The following AGBL1 variants were observed in gnomAD, a reference collection of about 807,000 sequenced individuals.
The protein encoded by AGBL1 is cytosolic carboxypeptidase 4.
In AGBL1, 130 loss-of-function variants were observed where a neutral mutation model predicts 118.9. The observed-to-expected ratio is 1.09, with a 90% CI of 0.95 to 1.26. AGBL1 has a LOEUF of 1.26. AGBL1 is among the 50% of genes most tolerant of loss of function. The pLI is 0.00. For synonymous variants in AGBL1, 555 were observed against 478.9 expected (o/e 1.16, Z -2.08); for missense variants, 1,584 against 1,298.1 (o/e 1.22, Z -3.38).
intron 1 of AGBL1, among the ~76,000 whole-genome samples, chr15:86,098,401 A>G (rs932110651): frequency 1.3e-5 from 2 of 152,052 alleles, no homozygotes; most frequent in Admixed American, 6.6e-5. Flanking sequence ...CCAATGTCCT[A>G]AAGTGTCTCC....
At chr15:86,350,575 T>C (rs2141899778) in intron 17 of AGBL1, among the ~76,000 whole-genome samples, 1 of 152,328 alleles carries the variant, frequency 6.6e-6, no homozygotes, top group South Asian at 2.1e-4. Context: ...GTTATACATG[T>C]GCTTGGTCTC....
intron 22 of AGBL1, among the ~76,000 whole-genome samples, chr15:86,900,572 A>T (rs753097721): frequency 2.0e-5 from 3 of 152,110 alleles, no homozygotes; most frequent in Admixed American, 6.6e-5. Flanking sequence ...ACTTCAGTGT[A>T]ATTGATTTTT....
intron 22 of AGBL1, among the ~76,000 whole-genome samples, chr15:86,753,535 T>C (rs1165271707): frequency 1.3e-5 from 2 of 151,638 alleles, no homozygotes; most frequent in Non-Finnish European, 2.9e-5. Context: ...GTTGCTAGGA[T>C]TACAGACACC....
At chr15:86,869,599 T>C (rs1322989183) in intron 22 of AGBL1, among the ~76,000 whole-genome samples, 1 of 152,182 alleles carries the variant, frequency 6.6e-6, no homozygotes, top group African/African-American at 2.4e-5. Context: ...GATATGTGGA[T>C]AAAGCCTAGA....
Position 86,295,338 on chromosome 15 carries a change from G to C in AGBL1, c.2304G>C (p.Gly768=). The C allele has an allele frequency of 6.2e-7, 1 of 1,613,268 alleles. No individual in the cohort carries two copies. Residue 768 remains glycine, a synonymous_variant, in exon 17 of 23, where the codon GGG becomes GGC. Coordinates refer to ENST00000614907, the MANE Select transcript of AGBL1 (RefSeq NM_001386094.1). ...ATGTTCTCTGCCAGACGCTGGGAGG[G>C]AATCCGTGTCCCTTGGTGACCATCA... ...RQDVLCQTLG[G]NPCPLVTITA... is the part of the protein sequence containing the mutation.
At chr15:86,665,627 T>C (rs2085631300) in intron 21 of AGBL1, among the ~76,000 whole-genome samples, 1 of 152,184 alleles carries the variant, frequency 6.6e-6, no homozygotes, top group African/African-American at 2.4e-5. Context: ...TAATCATTAA[T>C]ATTTTCCTTT....
At chr15:86,479,909 A>G (rs1389353042) in intron 18 of AGBL1, among the ~76,000 whole-genome samples, 3 of 152,234 alleles carry the variant, frequency 2.0e-5, no homozygotes, top group African/African-American at 7.2e-5. Context: ...GCAGCCATAA[A>G]AAAGGATGAA....
chr15:86,750,356 C>A (rs576342716), intron 22 of AGBL1, among the ~76,000 whole-genome samples: 53 of 151,816 alleles, frequency 3.5e-4, no homozygotes, highest in Admixed American at 2.1e-3. Flanking sequence ...GTGTAATGAT[C>A]AAATCAGGGT....
chr15:86,622,155 T>C lies in AGBL1; in HGVS notation c.2995-52118T>C, dbSNP rs181559439. On this transcript the variant is annotated intron_variant, in intron 21 of 22. Coordinates refer to ENST00000614907, the MANE Select transcript of AGBL1 (RefSeq NM_001386094.1). Reference sequence around the variant, plus strand: ...CCAGCCTGGCCAACATGGTGAAACGTTGTCTCTACTAAAAATACAAAAAAA... The same window carrying C: ...CCAGCCTGGCCAACATGGTGAAACGCTGTCTCTACTAAAAATACAAAAAAA... 3.0e-4 allele frequency among the ~76,000 whole-genome samples: 45 copies of C among 151,870 alleles called. 1 individual carries two copies. In the East Asian group the frequency reaches 8.8e-3, roughly 30 times the overall value.
intron 22 of AGBL1, among the ~76,000 whole-genome samples, chr15:86,771,257 C>T (rs1414517292): frequency 6.6e-6 from 1 of 152,010 alleles, no homozygotes; most frequent in African/African-American, 2.4e-5. Flanking sequence ...ATAAATAGTG[C>T]TAGGTACTTT....
chr15:86,178,711 C>T (rs2077514640), intron 5 of AGBL1, among the ~76,000 whole-genome samples: 1 of 152,222 alleles, frequency 6.6e-6, no homozygotes, highest in South Asian at 2.1e-4. Flanking sequence ...TAAGAAGAGA[C>T]AATATTTTCT....
chr15:86,152,829 C>G (rs1054408044), intron 3 of AGBL1, among the ~76,000 whole-genome samples: 119 of 152,012 alleles, frequency 7.8e-4, no homozygotes, highest in African/African-American at 2.7e-3. Flanking sequence ...GAAAAACAAC[C>G]CCATCAAAAA....
At chr15:86,609,599 G>A (rs1049709161) in intron 21 of AGBL1, among the ~76,000 whole-genome samples, 2 of 152,160 alleles carry the variant, frequency 1.3e-5, no homozygotes, top group African/African-American at 2.4e-5. Context: ...AGGACACATT[G>A]CATTGTCTCC....
At position 86,262,577 on chromosome 15, in the gene AGBL1, G is replaced by T. The variant is rs148617011; in HGVS notation, c.970-201G>T. On this transcript the variant is annotated intron_variant, in intron 9 of 22. Coordinates refer to ENST00000614907, the MANE Select transcript of AGBL1 (RefSeq NM_001386094.1). ...TGATAAATACTGACATAAATGCTGA[G>T]ACAAGTCCTTTATCTTCTTTCTTTT... The T allele has an allele frequency of 9.0e-4, 579 of 642,604 alleles. 2 individuals are homozygous for T. The East Asian group carries it at 0.014, about 15-fold the overall frequency. The allele number at this position is 642,604 out of a possible 1,614,324, so 39.8% of individuals were successfully genotyped here. A position where few individuals can be genotyped will look rare whatever the true frequency, so the allele number is the denominator to read the frequency against.
At chr15:86,620,868 T>A (rs1013519305) in intron 21 of AGBL1, among the ~76,000 whole-genome samples, 2 of 152,088 alleles carry the variant, frequency 1.3e-5, no homozygotes, top group African/African-American at 4.8e-5. Context: ...CGCCTGCATG[T>A]CTCTCTTCAC....
intron 21 of AGBL1, among the ~76,000 whole-genome samples, chr15:86,556,616 T>C (rs527771275): frequency 3.9e-5 from 6 of 152,294 alleles, no homozygotes; most frequent in Admixed American, 3.9e-4. Context: ...TTTGGTGATT[T>C]TTGCGTAAGG....
chr15:87,016,955 G>A (rs1171357283), intron 24 of AGBL1, among the ~76,000 whole-genome samples: 1 of 152,154 alleles, frequency 6.6e-6, no homozygotes, highest in African/African-American at 2.4e-5. Context: ...TTTGCATACT[G>A]TGGCCCCAGG....
intron 21 of AGBL1, among the ~76,000 whole-genome samples, chr15:86,647,323 C>G (rs766943343): frequency 5.9e-5 from 9 of 152,098 alleles, no homozygotes; most frequent in Non-Finnish European, 1.3e-4. Context: ...TGATTATTTA[C>G]TATATGCTAG....
chr15:86,135,224 T>G (rs1190484258), intron 1 of AGBL1, among the ~76,000 whole-genome samples: 1 of 152,196 alleles, frequency 6.6e-6, no homozygotes, highest in Non-Finnish European at 1.5e-5. Flanking sequence ...ACTTCCTCGC[T>G]TACCCTGTGA....
Sources: gnomAD v4.1 joint callset for allele counts (sites outside exome capture counted in the v4.1 genomes callset) on GRCh38, gnomAD v4.1.1 for gene constraint, MANE v1.5 for transcripts, NCBI Gene and HGNC (gene_info 2026-07-23, HGNC 2026-07-21) for gene names.